The following ANTXR2 variants were observed in gnomAD, a reference collection of about 807,000 sequenced individuals.
ANTXR2 encodes the protein anthrax toxin receptor 2.
In ANTXR2, 44 loss-of-function variants were observed where a neutral mutation model predicts 73.7. The observed-to-expected ratio is 0.60, with a 90% CI of 0.47 to 0.77. The LOEUF is 0.77. Ranked by LOEUF, ANTXR2 falls within the 30% of genes least tolerant of loss-of-function variation. The pLI is 0.00. For missense variants in ANTXR2, 604 were observed against 592.5 expected (o/e 1.02, Z -0.20); for synonymous variants, 217 against 205.9 (o/e 1.05, Z -0.46).
At chr4:80,029,065 C>A (rs1296349855) in intron 10 of ANTXR2, among the ~76,000 whole-genome samples, 1 of 152,088 alleles carries the variant, frequency 6.6e-6, no homozygotes, top group Non-Finnish European at 1.5e-5. Context: ...ATGTCAAAAT[C>A]TAAATGAATG....
At chr4:80,004,565 T>C (rs1731214014) in intron 12 of ANTXR2, among the ~76,000 whole-genome samples, 2 of 152,106 alleles carry the variant, frequency 1.3e-5, no homozygotes, top group South Asian at 4.1e-4. Flanking sequence ...GGCTTGTGGC[T>C]GCATCACTCC....
At chr4:80,048,467 G>A (rs1733624713) in intron 7 of ANTXR2, among the ~76,000 whole-genome samples, 1 of 151,538 alleles carries the variant, frequency 6.6e-6, no homozygotes, top group African/African-American at 2.4e-5. Context: ...CCTGAAAATT[G>A]GTTTCCAGTT....
At chr4:80,068,407 T>G (rs1275449017) in intron 3 of ANTXR2, among the ~76,000 whole-genome samples, 1 of 152,156 alleles carries the variant, frequency 6.6e-6, no homozygotes. Context: ...TTACATACTC[T>G]GTTAAATAAA....
chr4:79,964,481 G>T (rs542629430), intron 16 of ANTXR2, among the ~76,000 whole-genome samples: 1 of 152,262 alleles, frequency 6.6e-6, no homozygotes, highest in South Asian at 2.1e-4. Flanking sequence ...TGGAGACTTC[G>T]ATCTGTACCT....
intron 12 of ANTXR2, among the ~76,000 whole-genome samples, chr4:79,991,260 A>G (rs553685040): frequency 6.6e-6 from 1 of 152,220 alleles, no homozygotes; most frequent in East Asian, 1.9e-4. Flanking sequence ...GGCAAAAAAC[A>G]AACAACCTCA....
At chr4:80,003,053 A>C (rs12510805) in intron 12 of ANTXR2, among the ~76,000 whole-genome samples, 1 of 148,410 alleles carries the variant, frequency 6.7e-6, no homozygotes, top group South Asian at 2.2e-4. Flanking sequence ...CAGCCATCCC[A>C]TTACTGGGTA....
At chr4:79,998,294 T>A (rs902402453) in intron 12 of ANTXR2, among the ~76,000 whole-genome samples, 1 of 152,010 alleles carries the variant, frequency 6.6e-6, no homozygotes, top group Admixed American at 6.6e-5. Context: ...TTAAATGCAC[T>A]AAAGAAAAAT....
chr4:80,054,439 C>G, intron 6 of ANTXR2, 87 bp from the exon 7 acceptor site: 1 of 964,144 alleles, frequency 1.0e-6, no homozygotes. Context: ...TTATGTTCAT[C>G]TGAAAAATTA....
chr4:80,043,159 T>G (rs946098017), intron 7 of ANTXR2, among the ~76,000 whole-genome samples: 3 of 151,964 alleles, frequency 2.0e-5, no homozygotes, highest in African/African-American at 7.2e-5. Context: ...TGAAGCAAAA[T>G]ATTCATGTAA....
At chr4:79,927,761 A>G (rs970672778) in intron 16 of ANTXR2, among the ~76,000 whole-genome samples, 6 of 152,218 alleles carry the variant, frequency 3.9e-5, no homozygotes, top group Admixed American at 3.3e-4. Context: ...CTGTTTACAG[A>G]TACAAAAAAG....
chr4:80,066,856 T>C (rs566554713), intron 3 of ANTXR2, among the ~76,000 whole-genome samples: 1 of 152,322 alleles, frequency 6.6e-6, no homozygotes, highest in East Asian at 1.9e-4. Context: ...CGCAGGTAGA[T>C]TTGGTCTAGT....
chr4:79,909,077 A>T (rs1478128006), intron 16 of ANTXR2, among the ~76,000 whole-genome samples: 2 of 152,172 alleles, frequency 1.3e-5, no homozygotes, highest in Non-Finnish European at 2.9e-5. Context: ...ATAGATTTGA[A>T]CTATGCAAAT....
intron 12 of ANTXR2, among the ~76,000 whole-genome samples, chr4:79,987,663 T>C (rs1730245769): frequency 6.6e-6 from 1 of 152,090 alleles, no homozygotes; most frequent in Non-Finnish European, 1.5e-5. Flanking sequence ...AGATATCTAG[T>C]CATCAGATTC....
At position 80,072,526 on chromosome 4, in the gene ANTXR2, C is replaced by T. The variant is rs1734855428; in HGVS notation, c.35G>A (p.Gly12Glu). 3 of 1,595,974 alleles carry T rather than the reference C, an allele frequency of 1.9e-6. No homozygotes were observed. The highest frequency in any genetic ancestry group is 2.6e-6 in the Non-Finnish European group (3 of 1,172,596). Residue 12 changes from glycine (G) to glutamate (E), a missense_variant, in exon 1 of 17, where the codon GGG (glycine) becomes GAG (glutamate). Gly to Glu is a moderately conservative substitution (Grantham distance 98). Transcript: ENST00000403729. ...CCACAGCCCGGGGAACAGCCAGCTC[C>T]CGGGGCTGCGGGCCGGGGACCGCTC... The part of the protein sequence containing the change: ...VAERSPARSP[G>E]SWLFPGLWLL...
chr4:79,928,479 T>G (rs896425516), intron 16 of ANTXR2, among the ~76,000 whole-genome samples: 1 of 152,216 alleles, frequency 6.6e-6, no homozygotes, highest in Non-Finnish European at 1.5e-5. Context: ...CTGAATCGTA[T>G]ATTTAAAAAT....
intron 3 of ANTXR2, among the ~76,000 whole-genome samples, chr4:80,059,400 C>G (rs919595985): frequency 1.3e-5 from 2 of 151,810 alleles, no homozygotes. Context: ...ACTCTGTCAC[C>G]CAGGCTGGAG....
intron 3 of ANTXR2, among the ~76,000 whole-genome samples, chr4:80,059,962 T>G (rs1408883961): frequency 6.6e-6 from 1 of 152,152 alleles, no homozygotes; most frequent in Non-Finnish European, 1.5e-5. Context: ...AAGGCATAAT[T>G]TTATTTTCAG....
chr4:80,006,022 T>C (rs181488729), intron 12 of ANTXR2, among the ~76,000 whole-genome samples: 23 of 152,274 alleles, frequency 1.5e-4, no homozygotes, highest in Admixed American at 1.5e-3. Flanking sequence ...TGATTCCACA[T>C]GCACTTCATC....
intron 16 of ANTXR2, among the ~76,000 whole-genome samples, chr4:79,914,220 T>A (rs563926824): frequency 6.6e-6 from 1 of 152,272 alleles, no homozygotes; most frequent in South Asian, 2.1e-4. Context: ...TGTTTCCCTT[T>A]TATTATATAA....
Sources: allele counts gnomAD v4.1 joint callset (sites outside exome capture counted in the v4.1 genomes callset), GRCh38; gene constraint gnomAD v4.1.1; transcripts MANE v1.5; gene names NCBI Gene and HGNC (gene_info 2026-07-23, HGNC 2026-07-21).